Variants in STXBP4 observed in about 807,000 individuals in gnomAD.
STXBP4 encodes syntaxin binding protein 4.
In STXBP4, 55 loss-of-function variants were observed where a neutral mutation model predicts 76.1. The observed-to-expected ratio is 0.72, with a 90% CI of 0.58 to 0.91. The LOEUF is 0.91. Ranked by LOEUF, STXBP4 falls within the 40% of genes least tolerant of loss-of-function variation. STXBP4 has a pLI of 0.00. For missense variants in STXBP4, 618 were observed against 636.9 expected, an observed-to-expected ratio of 0.97 and a Z score of 0.32; for synonymous variants, 201 against 220.2, an observed-to-expected ratio of 0.91 and a Z score of 0.77.
chr17:55,175,279 GA>G (rs1159703654), downstream of STXBP4, among the ~76,000 whole-genome samples: 1 of 152,130 alleles, frequency 6.6e-6, no homozygotes, highest in Non-Finnish European at 1.5e-5. Context: ...TGTGATTTTT[GA>G]AATCTAAAGA....
intron 12 of STXBP4, among the ~76,000 whole-genome samples, chr17:55,060,002 GAT>G (rs951405263): frequency 9.9e-5 from 15 of 152,066 alleles, no homozygotes; most frequent in African/African-American, 3.6e-4. Context: ...TGAGGGTAAA[GAT>G]GTGTGGATTC....
chr17:55,137,678 C>T lies in STXBP4; in HGVS notation c.1490-3632C>T, dbSNP rs555433527. On this transcript the variant is annotated intron_variant, in intron 16 of 17. Coordinates refer to ENST00000376352, the MANE Select transcript of STXBP4 (RefSeq NM_178509.6). ...AAATAGGGATAATAGCAGTACTTCT[C>T]ATAGATTCTTTGTGAGTATTAAGTG... Among the ~76,000 whole-genome samples, 8 of 152,214 alleles carry T rather than the reference C, an allele frequency of 5.3e-5. No individual in the cohort carries two copies. The South Asian group carries it at 1.0e-3, about 20-fold the overall frequency.
At chr17:55,144,878 C>A (rs1015587452) in intron 17 of STXBP4, among the ~76,000 whole-genome samples, 6 of 152,138 alleles carry the variant, frequency 3.9e-5, no homozygotes, top group African/African-American at 1.2e-4. Context: ...ATTTACTTAA[C>A]CTCTCTGGGA....
At chr17:55,157,773 C>T (rs939325192) in intron 17 of STXBP4, among the ~76,000 whole-genome samples, 9 of 152,146 alleles carry the variant, frequency 5.9e-5, no homozygotes, top group Non-Finnish European at 1.2e-4. Flanking sequence ...ACAAACCAAA[C>T]TAATAATAAC....
At chr17:55,067,333 A>T (rs1462564322) in intron 12 of STXBP4, among the ~76,000 whole-genome samples, 1 of 152,232 alleles carries the variant, frequency 6.6e-6, no homozygotes, top group Non-Finnish European at 1.5e-5. Context: ...AAGATCATTT[A>T]TACAAAAGTA....
chr17:55,151,946 TG>T (rs1329631859), intron 17 of STXBP4, among the ~76,000 whole-genome samples: 1 of 152,186 alleles, frequency 6.6e-6, no homozygotes, highest in South Asian at 2.1e-4. Flanking sequence ...GGAAGTTACT[TG>T]GATATGAGAA....
intron 4 of STXBP4, among the ~76,000 whole-genome samples, chr17:54,993,576 C>T (rs2077752283): frequency 6.6e-6 from 1 of 152,186 alleles, no homozygotes; most frequent in Non-Finnish European, 1.5e-5. Flanking sequence ...TCTTCAAATA[C>T]AAAATTGATA....
intron 17 of STXBP4, among the ~76,000 whole-genome samples, chr17:55,158,529 G>A (rs1409602914): frequency 6.6e-6 from 1 of 152,232 alleles, no homozygotes; most frequent in Non-Finnish European, 1.5e-5. Context: ...TTGGGAAGAT[G>A]GTGGTGGATT....
At chr17:55,099,207 T>A (rs1177969302) in intron 16 of STXBP4, among the ~76,000 whole-genome samples, 5 of 152,226 alleles carry the variant, frequency 3.3e-5, no homozygotes, top group Non-Finnish European at 5.9e-5. Flanking sequence ...GCAGTCTAAC[T>A]GTGTCTCTAG....
intron 17 of STXBP4, among the ~76,000 whole-genome samples, chr17:55,144,506 G>A (rs768817230): frequency 8.5e-5 from 13 of 152,312 alleles, no homozygotes; most frequent in African/African-American, 3.1e-4. Flanking sequence ...CGCTGTATAA[G>A]ACACAGTAGA....
chr17:55,147,090 A>G (rs903502754), intron 17 of STXBP4, among the ~76,000 whole-genome samples: 1 of 152,202 alleles, frequency 6.6e-6, no homozygotes, highest in African/African-American at 2.4e-5. Flanking sequence ...TGTAAAATAT[A>G]TGTTTCATAT....
the STXBP4 span, among the ~76,000 whole-genome samples, chr17:55,186,169 A>G: frequency 6.6e-6 from 1 of 152,342 alleles, no homozygotes; most frequent in South Asian, 2.1e-4. Context: ...ACATTAATTT[A>G]TGACCACAAA....
intron 16 of STXBP4, among the ~76,000 whole-genome samples, chr17:55,122,628 A>G (rs1396955108): frequency 6.6e-6 from 1 of 152,220 alleles, no homozygotes; most frequent in Non-Finnish European, 1.5e-5. Flanking sequence ...CATGCAGTTA[A>G]TTTTATAATT....
At chr17:55,205,029 T>C in the STXBP4 span, among the ~76,000 whole-genome samples, 2 of 152,182 alleles carry the variant, frequency 1.3e-5, no homozygotes, top group Admixed American at 6.5e-5. Context: ...TAAGTTTGTC[T>C]AAACAAATTA....
At position 55,047,155 on chromosome 17, in the gene STXBP4, G is replaced by C. The variant is rs771851566; in HGVS notation, c.1011+1G>C. ...AGAAGAGCTCCAGAATGTGAAACAA[G>C]TAAGTATATGTATTGTGTATATATG... On this transcript the variant is annotated splice_donor_variant, in intron 12 of 17. Coordinates refer to ENST00000376352, the MANE Select transcript of STXBP4 (RefSeq NM_178509.6). LOFTEE classifies it high-confidence loss of function. 5 of 1,573,984 alleles carry C rather than the reference G, an allele frequency of 3.2e-6. No individual in the cohort carries two copies. In the Admixed American group the frequency reaches 8.4e-5, roughly 27 times the overall value.
At chr17:55,149,631 G>T (rs1377315319) in intron 17 of STXBP4, among the ~76,000 whole-genome samples, 2 of 152,108 alleles carry the variant, frequency 1.3e-5, no homozygotes, top group Non-Finnish European at 2.9e-5. Flanking sequence ...AGTTTAAAAT[G>T]ACAGTATTTA....
At chr17:55,188,038 A>G in the STXBP4 span, among the ~76,000 whole-genome samples, 1 of 152,200 alleles carries the variant, frequency 6.6e-6, no homozygotes, top group Non-Finnish European at 1.5e-5. Flanking sequence ...AGGAAACTGC[A>G]CCTTAGAGAG....
In STXBP4 at chr17:55,090,853, G is replaced by C. The variant is rs73992603; in HGVS notation, c.1489+9670G>C. Among the ~76,000 whole-genome samples, 248 of 7,362 alleles carry C rather than the reference G, an allele frequency of 0.034. 1 individual carries two copies. In the East Asian group the frequency reaches 0.36, roughly 11 times the overall value. The allele number at this position is 7,362 out of a possible 152,430, so 4.8% of individuals were successfully genotyped here. On this transcript the variant is annotated intron_variant, in intron 16 of 17. Transcript: ENST00000376352. ...TTTTAAATTGTGTGTGTGTGTGTGT[G>C]TCTGTGTGTGTGTGTGTGTGTGTGT...
the STXBP4 span, among the ~76,000 whole-genome samples, chr17:55,179,264 T>C: frequency 1.4e-4 from 22 of 152,066 alleles, no homozygotes; most frequent in Non-Finnish European, 2.9e-4. Flanking sequence ...TGGAAATATA[T>C]GATAGCAATT....
Sources: allele counts gnomAD v4.1 joint callset (sites outside exome capture counted in the v4.1 genomes callset), GRCh38; gene constraint gnomAD v4.1.1; transcripts MANE v1.5; gene names NCBI Gene and HGNC (gene_info 2026-07-23, HGNC 2026-07-21).